The following SPIDR variants were observed in gnomAD, a reference collection of about 807,000 sequenced individuals.
SPIDR encodes DNA repair-scaffolding protein.
Under a neutral mutation model 104.6 loss-of-function variants are expected in SPIDR, and 93 were observed. The observed-to-expected ratio is 0.89, with a 90% CI of 0.75 to 1.06. The LOEUF (loss-of-function observed/expected upper bound fraction) is 1.06. Among genes scored for constraint, SPIDR ranks in the 50% least tolerant of loss-of-function variants. The pLI is 0.00. For synonymous variants in SPIDR, 431 were observed against 416.9 expected (o/e 1.03, Z -0.41); for missense variants, 1,154 against 1,111.2 (o/e 1.04, Z -0.55).
At chr8:47,696,378 C>T (rs1363744184) in intron 11 of SPIDR, among the ~76,000 whole-genome samples, 3 of 152,040 alleles carry the variant, frequency 2.0e-5, no homozygotes, top group Non-Finnish European at 2.9e-5. Flanking sequence ...ATAAATATCT[C>T]CATTTGTTTA....
chr8:47,533,654 TGGGGGAAAAAAAA>T (rs2086397899), intron 8 of SPIDR, among the ~76,000 whole-genome samples: 3 of 151,966 alleles, frequency 2.0e-5, no homozygotes, highest in Non-Finnish European at 4.4e-5. Flanking sequence ...AACAAGCATA[TGGGGGAAAAAAAA>T]CCTCAACATC....
chr8:47,591,183 G>C lies in SPIDR; in HGVS notation c.1098-4628G>C, dbSNP rs10093784. On this transcript the variant is annotated intron_variant, in intron 8 of 19. Coordinates refer to ENST00000297423, the MANE Select transcript of SPIDR (RefSeq NM_001080394.4). ...GCTTAAGTGTACCTTTTTACTTTTT[G>C]TTTTCTTTGTTCTCTGGTTTTTTTT... Among the ~76,000 whole-genome samples the C allele has an allele frequency of 5.5e-3, 793 of 145,234 alleles. 9 individuals carry two copies. The highest frequency in any genetic ancestry group is 0.019 in the African/African-American group (760 of 39,300).
chr8:47,647,788 T>A (rs1277346418), intron 10 of SPIDR, among the ~76,000 whole-genome samples: 1 of 152,084 alleles, frequency 6.6e-6, no homozygotes, highest in Non-Finnish European at 1.5e-5. Flanking sequence ...AAAGTCTCAC[T>A]GACAAGTTAA....
At chr8:47,285,737 T>C (rs2038715143) in intron 3 of SPIDR, among the ~76,000 whole-genome samples, 2 of 152,180 alleles carry the variant, frequency 1.3e-5, no homozygotes, top group Admixed American at 1.3e-4. Flanking sequence ...ATGACCTTAT[T>C]TGAATTTGAT....
chr8:47,354,515 C>T (rs1425415426), intron 5 of SPIDR, among the ~76,000 whole-genome samples: 1 of 152,102 alleles, frequency 6.6e-6, no homozygotes, highest in Non-Finnish European at 1.5e-5. Flanking sequence ...AGTGAACAAA[C>T]ATATTCTGCC....
chr8:47,308,271 C>T (rs587665282), intron 5 of SPIDR, among the ~76,000 whole-genome samples: 1 of 152,126 alleles, frequency 6.6e-6, no homozygotes, highest in African/African-American at 2.4e-5. Flanking sequence ...CCATGTTGCC[C>T]AGGCTCGTCT....
At chr8:47,271,674 GT>G (rs2035352471) in intron 1 of SPIDR, among the ~76,000 whole-genome samples, 1 of 152,034 alleles carries the variant, frequency 6.6e-6, no homozygotes. Flanking sequence ...TATATTTATA[GT>G]AAGTGATTTA....
At chr8:47,342,633 G>T (rs1376584382) in intron 5 of SPIDR, among the ~76,000 whole-genome samples, 1 of 151,952 alleles carries the variant, frequency 6.6e-6, no homozygotes, top group African/African-American at 2.4e-5. Context: ...AAGTGCACCC[G>T]GCCTGAAATG....
chr8:47,447,682 A>C (rs967826104), intron 8 of SPIDR, among the ~76,000 whole-genome samples: 6 of 152,248 alleles, frequency 3.9e-5, no homozygotes, highest in African/African-American at 1.4e-4. Context: ...GCCATCAAAC[A>C]GTATCTCATG....
Position 47,595,915 on chromosome 8 carries a change from A to G in SPIDR, c.1202A>G (p.Tyr401Cys). The G allele has an allele frequency of 6.2e-7, 1 of 1,614,198 alleles. No homozygotes were observed. The highest frequency in any genetic ancestry group is 8.5e-7 in the Non-Finnish European group (1 of 1,180,028). ...GATTCAGAAAAAACTTGTGAAGTGT[A>G]CTGTCCGGACATACCCCTTCCAAGA... ...KEDSEKTCEV[Y>C]CPDIPLPRRS... The change falls in exon 9 of 20, where the codon TAC becomes TGC. Residue 401 changes from tyrosine (Y) to cysteine (C), a missense_variant. Physicochemically the swap from Tyr to Cys is radical, Grantham distance 194. Transcript: ENST00000297423.
intron 6 of SPIDR, among the ~76,000 whole-genome samples, chr8:47,397,252 C>T (rs535269936): frequency 6.6e-6 from 1 of 152,282 alleles, no homozygotes; most frequent in East Asian, 1.9e-4. Flanking sequence ...AATCCCAGCA[C>T]TTTGGGAAGC....
chr8:47,696,049 C>G (rs774092785), intron 11 of SPIDR, among the ~76,000 whole-genome samples: 25 of 152,144 alleles, frequency 1.6e-4, no homozygotes, highest in Non-Finnish European at 4.4e-5. Flanking sequence ...CTGGGGCTGC[C>G]TTTTTAGGAA....
At chr8:47,290,143 G>C (rs1034274259) in intron 3 of SPIDR, among the ~76,000 whole-genome samples, 5 of 152,044 alleles carry the variant, frequency 3.3e-5, no homozygotes, top group Admixed American at 3.3e-4. Context: ...GGGTTCAAGC[G>C]ATTCTCCTGC....
intron 8 of SPIDR, among the ~76,000 whole-genome samples, chr8:47,571,031 C>G (rs1307143726): frequency 6.6e-6 from 1 of 151,666 alleles, no homozygotes; most frequent in African/African-American, 2.4e-5. Flanking sequence ...GCAGAAGTTG[C>G]AGTGAGCCGA....
intron 8 of SPIDR, among the ~76,000 whole-genome samples, chr8:47,550,694 T>C (rs901340793): frequency 5.9e-5 from 9 of 152,210 alleles, no homozygotes; most frequent in African/African-American, 2.2e-4. Flanking sequence ...TTTCTAAATA[T>C]ACAATCATGG....
intron 5 of SPIDR, among the ~76,000 whole-genome samples, chr8:47,331,989 C>CTTTT (rs1289524835): frequency 1.9e-4 from 7 of 36,328 alleles, no homozygotes; most frequent in Non-Finnish European, 3.8e-4. Flanking sequence ...TTTTTTTTCT[C>CTTTT]TTTTTTTTTT....
At chr8:47,696,532 T>A (rs1478730080) in intron 11 of SPIDR, among the ~76,000 whole-genome samples, 1 of 152,184 alleles carries the variant, frequency 6.6e-6, no homozygotes, top group Non-Finnish European at 1.5e-5. Flanking sequence ...AGATTGGAAA[T>A]GTTCAGGTGC....
intron 8 of SPIDR, among the ~76,000 whole-genome samples, chr8:47,548,105 G>A (rs914403395): frequency 6.6e-6 from 1 of 151,872 alleles, no homozygotes; most frequent in Admixed American, 6.6e-5. Flanking sequence ...ATTTTGGAGT[G>A]TGTTGTTTAG....
chr8:47,432,113 T>C (rs1237655855), intron 7 of SPIDR, among the ~76,000 whole-genome samples: 1 of 152,236 alleles, frequency 6.6e-6, no homozygotes, highest in Non-Finnish European at 1.5e-5. Flanking sequence ...GGTATTTACT[T>C]ACTGAATACT....
Sources: allele counts gnomAD v4.1 joint callset (sites outside exome capture counted in the v4.1 genomes callset), GRCh38; gene constraint gnomAD v4.1.1; transcripts MANE v1.5; gene names NCBI Gene and HGNC (gene_info 2026-07-23, HGNC 2026-07-21).